KIAA1328: variants seen among roughly 807,000 people sequenced by gnomAD.
KIAA1328 encodes the protein protein hinderin.
In KIAA1328, 52 loss-of-function variants were observed where a neutral mutation model predicts 68.1. That is an observed-to-expected ratio of 0.76 (90% confidence interval 0.61 to 0.96). The LOEUF (loss-of-function observed/expected upper bound fraction) is 0.96, where lower values mean the gene tolerates loss of function less well. KIAA1328 is among the 40% of genes least tolerant of loss of function. The pLI is 0.00. For synonymous variants in KIAA1328, 232 were observed against 239.4 expected, an observed-to-expected ratio of 0.97 and a Z score of 0.28; for missense variants, 641 against 677.6, an observed-to-expected ratio of 0.95 and a Z score of 0.60.
intron 7 of KIAA1328, among the ~76,000 whole-genome samples, chr18:37,099,285 C>T (rs1046156688): frequency 7.9e-5 from 12 of 152,158 alleles, no homozygotes; most frequent in African/African-American, 2.7e-4. Context: ...TCTTTGTTCT[C>T]ATTGGTTTCA....
At chr18:36,836,163 C>T (rs566750865) in intron 3 of KIAA1328, among the ~76,000 whole-genome samples, 1 of 152,150 alleles carries the variant, frequency 6.6e-6, no homozygotes, top group East Asian at 1.9e-4. Context: ...TTTCCAGTGC[C>T]TCATTTATTA....
At chr18:36,905,404 G>A (rs1443670984) in intron 5 of KIAA1328, among the ~76,000 whole-genome samples, 1 of 152,020 alleles carries the variant, frequency 6.6e-6, no homozygotes, top group Non-Finnish European at 1.5e-5. Flanking sequence ...GACCCACCAT[G>A]CCTGGCCTTG....
chr18:36,907,443 A>G (rs2049265633), intron 5 of KIAA1328, among the ~76,000 whole-genome samples: 2 of 152,072 alleles, frequency 1.3e-5, no homozygotes, highest in South Asian at 2.1e-4. Context: ...AGATACCTTT[A>G]TTTAGATTAA....
chr18:36,870,973 C>T lies in KIAA1328; in HGVS notation c.333-14584C>T, dbSNP rs532899889. Reference sequence around the variant, plus strand: ...CATTTGGCCTCCACCAAGCTGAAATCGTCTTACCCATTTCCAGCTGTGGCT... The same window carrying T: ...CATTTGGCCTCCACCAAGCTGAAATTGTCTTACCCATTTCCAGCTGTGGCT... On this transcript the variant is annotated intron_variant, in intron 4 of 9. Transcript: ENST00000280020. 3.9e-5 allele frequency among the ~76,000 whole-genome samples: 6 copies of T among 152,296 alleles called. No individual in the cohort carries two copies. In the South Asian group the frequency reaches 6.2e-4, roughly 16 times the overall value.
rs573597000 is a variant in KIAA1328, at chr18:37,031,810, A to G, written c.577-35080A>G. ...TTTTAGTGTTTGTTATTTCTATTCTATACTCACTGTCTTTGTTTAATTTTT... is the reference window on the plus strand; with the variant it reads ...TTTTAGTGTTTGTTATTTCTATTCTGTACTCACTGTCTTTGTTTAATTTTT... On this transcript the variant is annotated intron_variant, in intron 6 of 9. Coordinates refer to ENST00000280020, the MANE Select transcript of KIAA1328 (RefSeq NM_020776.3). Among the ~76,000 whole-genome samples, 15 of 152,074 alleles carry G rather than the reference A, an allele frequency of 9.9e-5. No individual in the cohort carries two copies. In the South Asian group the frequency reaches 2.3e-3, roughly 23 times the overall value.
intron 4 of KIAA1328, among the ~76,000 whole-genome samples, chr18:36,853,127 C>T (rs1396003297): frequency 1.3e-5 from 2 of 152,058 alleles, no homozygotes; most frequent in African/African-American, 4.8e-5. Flanking sequence ...TTGCATGTTA[C>T]TTGAATGGAA....
intron 8 of KIAA1328, among the ~76,000 whole-genome samples, chr18:37,164,787 A>C (rs887183395): frequency 6.6e-6 from 1 of 152,160 alleles, no homozygotes; most frequent in Admixed American, 6.5e-5. Context: ...CTTAGGAGTC[A>C]AGAAAATATG....
chr18:37,114,267 C>T (rs916732906), intron 7 of KIAA1328, among the ~76,000 whole-genome samples: 15 of 152,190 alleles, frequency 9.9e-5, no homozygotes, highest in African/African-American at 3.6e-4. Context: ...AAGTAAAGCA[C>T]TCCTCAGCAA....
At chr18:37,129,496 C>A (rs970061992) in intron 7 of KIAA1328, among the ~76,000 whole-genome samples, 1 of 151,974 alleles carries the variant, frequency 6.6e-6, no homozygotes, top group African/African-American at 2.4e-5. Flanking sequence ...CCAATGAAAA[C>A]AAAATTTAAA....
At chr18:36,890,445 C>G (rs924876152) in intron 5 of KIAA1328, among the ~76,000 whole-genome samples, 1 of 151,952 alleles carries the variant, frequency 6.6e-6, no homozygotes, top group Non-Finnish European at 1.5e-5. Flanking sequence ...CCAAGGCAGG[C>G]GGATCACCTG....
chr18:36,958,767 T>C (rs2051528272), intron 5 of KIAA1328, among the ~76,000 whole-genome samples: 1 of 152,282 alleles, frequency 6.6e-6, no homozygotes, highest in East Asian at 1.9e-4. Flanking sequence ...AAATATTTTC[T>C]CTCATTCAGG....
chr18:37,162,230 G>GT (rs113865579), intron 8 of KIAA1328, among the ~76,000 whole-genome samples: 21,992 of 150,378 alleles, frequency 0.15, 1,687 homozygotes, highest in African/African-American at 0.17. Context: ...CTTCCATTAG[G>GT]TTTTTTTTCC....
At chr18:36,839,999 C>T (rs1415232978) in intron 3 of KIAA1328, among the ~76,000 whole-genome samples, 1 of 152,134 alleles carries the variant, frequency 6.6e-6, no homozygotes, top group Non-Finnish European at 1.5e-5. Flanking sequence ...TGGAGCTCTC[C>T]TATGCAGCTC....
intron 7 of KIAA1328, among the ~76,000 whole-genome samples, chr18:37,089,572 A>G (rs1273450657): frequency 6.6e-6 from 1 of 151,784 alleles, no homozygotes; most frequent in Non-Finnish European, 1.5e-5. Flanking sequence ...ATAGTGTTTC[A>G]CCGTGTTGGT....
intron 9 of KIAA1328, among the ~76,000 whole-genome samples, chr18:37,196,491 A>G (rs1405824314): frequency 2.6e-5 from 4 of 152,104 alleles, no homozygotes; most frequent in Non-Finnish European, 5.9e-5. Flanking sequence ...GGTTTTTACC[A>G]TGAAGAAATG....
At chr18:36,893,288 T>C (rs569362583) in intron 5 of KIAA1328, among the ~76,000 whole-genome samples, 1 of 152,158 alleles carries the variant, frequency 6.6e-6, no homozygotes, top group African/African-American at 2.4e-5. Context: ...TATTTATTTA[T>C]TTGAGATAGA....
At chr18:37,097,190 GGTT>G (rs2057438577) in intron 7 of KIAA1328, among the ~76,000 whole-genome samples, 1 of 152,080 alleles carries the variant, frequency 6.6e-6, no homozygotes, top group Non-Finnish European at 1.5e-5. Context: ...TTTCTTCTAG[GGTT>G]CTTCTGGTTT....
chr18:37,053,352 C>G (rs570358919), intron 6 of KIAA1328, among the ~76,000 whole-genome samples: 1 of 152,234 alleles, frequency 6.6e-6, no homozygotes, highest in East Asian at 1.9e-4. Context: ...GGACTAAAGA[C>G]TTACATGTGA....
At chr18:36,930,515 A>G (rs2050272772) in intron 5 of KIAA1328, among the ~76,000 whole-genome samples, 1 of 152,142 alleles carries the variant, frequency 6.6e-6, no homozygotes, top group Non-Finnish European at 1.5e-5. Flanking sequence ...AAGAAGAAAT[A>G]CTTCATATTT....
Sources: allele counts gnomAD v4.1 joint callset (sites outside exome capture counted in the v4.1 genomes callset), GRCh38; gene constraint gnomAD v4.1.1; transcripts MANE v1.5; gene names NCBI Gene and HGNC (gene_info 2026-07-23, HGNC 2026-07-21).